The following CPLANE1 variants were observed in gnomAD, a reference collection of about 807,000 sequenced individuals.
The protein encoded by CPLANE1 is ciliogenesis and planar polarity effector 1.
In CPLANE1, 263 loss-of-function variants were observed where a neutral mutation model predicts 362.5. That is an observed-to-expected ratio of 0.73 (90% confidence interval 0.66 to 0.80). The LOEUF (loss-of-function observed/expected upper bound fraction) is 0.80, where lower values mean the gene tolerates loss of function less well. Ranked by LOEUF, CPLANE1 falls within the 30% of genes least tolerant of loss-of-function variation. The pLI, the probability that CPLANE1 is intolerant of heterozygous loss-of-function variation, is 0.00. For missense variants in CPLANE1, 3,461 were observed against 3,793.4 expected, an observed-to-expected ratio of 0.91 and a Z score of 2.30; for synonymous variants, 1,212 against 1,302.6, an observed-to-expected ratio of 0.93 and a Z score of 1.50.
In CPLANE1 at chr5:37,108,338, T is replaced by C. The variant is rs758838097; in HGVS notation, c.9534A>G (p.Ser3178=). ...ETVVSPWTIP[S]EIHKILHESH... ...TCTCATGAAGAATCTTATGGATTTC[T>C]GAAGGTATCGTCCAGGGACTCACCA... is the stretch of plus-strand genomic sequence containing the variant. The change falls in exon 52 of 53, where the codon TCA becomes TCG. Residue 3178 remains serine, a synonymous_variant. Coordinates refer to ENST00000651892, the MANE Select transcript of CPLANE1 (RefSeq NM_001384732.1). The C allele has an allele frequency of 6.2e-7, 1 of 1,614,196 alleles. No homozygotes were observed. Among genetic ancestry groups the C allele is most frequent in the South Asian group, 1.1e-5 (1 of 91,082 alleles).
chr5:37,210,760 T>TG lies in CPLANE1; in HGVS notation c.2920+2798dup. 2.0e-6 allele frequency: 3 copies of TG among 1,529,806 alleles called. No homozygotes were observed. The East Asian group carries it at 6.8e-5, about 34-fold the overall frequency. The allele number at this position is 1,529,806 out of a possible 1,614,324, so 94.8% of individuals were successfully genotyped here. A position where few individuals can be genotyped will look rare whatever the true frequency, so the allele number is the denominator to read the frequency against. On this transcript the variant is annotated intron_variant, in intron 16 of 52. Transcript: ENST00000651892. ...CTGGAAGAGAGTAGAAATGAAAACT[T>TG]GCGTCTCCTAAACCGCCTAGCTCAG...
At chr5:37,167,996 T>C (rs1778766595) in intron 34 of CPLANE1, among the ~76,000 whole-genome samples, 2 of 152,212 alleles carry the variant, frequency 1.3e-5, no homozygotes, top group Middle Eastern at 6.8e-3. Flanking sequence ...AAAGGAAGCA[T>C]GGTAAGTATT....
At chr5:37,153,310 C>G (rs1016727052) in intron 42 of CPLANE1, among the ~76,000 whole-genome samples, 30 of 152,042 alleles carry the variant, frequency 2.0e-4, no homozygotes, top group African/African-American at 7.2e-4. Flanking sequence ...TAGTACCAAT[C>G]CTATAAAAAA....
intron 21 of CPLANE1, 140 bp downstream of exon 21, chr5:37,195,718 T>C: frequency 2.9e-6 from 2 of 692,870 alleles, no homozygotes; most frequent in Non-Finnish European, 4.5e-6. Context: ...TATACATAGC[T>C]GTTAAAGTAC....
the CPLANE1 span, among the ~76,000 whole-genome samples, chr5:37,100,531 G>A: frequency 6.6e-6 from 1 of 152,208 alleles, no homozygotes; most frequent in African/African-American, 2.4e-5. Flanking sequence ...ATACTTTGAA[G>A]TCAGGTAGCA....
intron 20 of CPLANE1, 81 bp downstream of exon 20, chr5:37,198,621 T>C (rs1788248352): frequency 1.5e-6 from 2 of 1,361,388 alleles, no homozygotes; most frequent in African/African-American, 1.5e-5. Flanking sequence ...CTTGGGAAAA[T>C]ATAACAATTA....
intron 43 of CPLANE1, among the ~76,000 whole-genome samples, chr5:37,144,397 TA>T (rs1176016655): frequency 0.014 from 932 of 67,542 alleles, 11 homozygotes; most frequent in African/African-American, 0.043. Context: ...AGACTTTGTC[TA>T]AAAAAAAAAA....
the CPLANE1 span, among the ~76,000 whole-genome samples, chr5:37,086,247 G>A: frequency 3.3e-5 from 5 of 152,086 alleles, no homozygotes; most frequent in Non-Finnish European, 5.9e-5. Flanking sequence ...AGAATAAACA[G>A]TCTATTCAAC....
At chr5:37,157,525 G>T in intron 40 of CPLANE1, 105 bp from the exon 41 acceptor site, 1 of 1,132,228 alleles carries the variant, frequency 8.8e-7, no homozygotes, top group Non-Finnish European at 1.3e-6. Flanking sequence ...GTAATCCGAA[G>T]ATTAACAGAA....
At chr5:37,160,963 G>C (rs532266745) in intron 38 of CPLANE1, among the ~76,000 whole-genome samples, 1 of 152,186 alleles carries the variant, frequency 6.6e-6, no homozygotes, top group South Asian at 2.1e-4. Context: ...GAGCCACCGC[G>C]CCCAGCCTAT....
chr5:37,182,813 G>T lies in CPLANE1; in HGVS notation c.5368C>A (p.Leu1790Ile). The change falls in exon 26 of 53, where the codon CTT becomes ATT. Residue 1790 changes from leucine to isoleucine, a missense_variant. Leu to Ile is a conservative substitution (Grantham distance 5). This residue lies in a region of CPLANE1 where 3,380 missense variants were observed against 3,666.1 expected (regional missense o/e 0.92). Coordinates refer to ENST00000651892, the MANE Select transcript of CPLANE1 (RefSeq NM_001384732.1). ...STAAILTSLW[L>I]LEQPYFATYK... ...GTAGCAAAATAGGGTTGTTCCAAAA[G>T]CCATAATGATGTAAGAATGGCAGCT... 6.2e-7 allele frequency: 1 copy of T among 1,613,596 alleles called. No homozygotes were observed. Among genetic ancestry groups the T allele is most frequent in the Non-Finnish European group, 8.5e-7 (1 of 1,179,850 alleles).
At chr5:37,234,604 C>T (rs928589583) in intron 8 of CPLANE1, among the ~76,000 whole-genome samples, 1 of 150,934 alleles carries the variant, frequency 6.6e-6, no homozygotes, top group African/African-American at 2.4e-5. Flanking sequence ...TAAGAGAGAT[C>T]AAAAAGTGCC....
intron 26 of CPLANE1, 85 bp from the exon 27 acceptor site, chr5:37,181,090 G>T: frequency 1.8e-6 from 2 of 1,097,104 alleles, no homozygotes; most frequent in Non-Finnish European, 1.3e-6. Context: ...CTTTCTACAG[G>T]AATTCTGAAT....
chr5:37,243,067 A>G lies in CPLANE1; in HGVS notation c.623T>C (p.Leu208Pro). 1 of 1,548,702 alleles carries G rather than the reference A, an allele frequency of 6.5e-7. No individual in the cohort carries two copies. Among genetic ancestry groups the G allele is most frequent in the South Asian group, 1.2e-5 (1 of 83,464 alleles). The stretch of plus-strand genomic sequence containing the variant: ...CCGAATTGCTAGAAATGTTAACTTC[A>G]GGCATTCCCCAGAATAAAAAGTAAA... ...CSFTFYSGEC[L>P]KLTFLAIRWH... Residue 208 changes from leucine to proline, a missense_variant, in exon 6 of 53, where the codon CTG (leucine) becomes CCG (proline). Physicochemically the swap from Leu to Pro is moderately conservative, Grantham distance 98. Around this residue, in one of 2 missense-constraint regions of CPLANE1, gnomAD observed 3,380 missense variants for 3,666.1 expected, o/e 0.92. Transcript: ENST00000651892.
the CPLANE1 span, among the ~76,000 whole-genome samples, chr5:37,094,249 C>G: frequency 2.6e-5 from 4 of 152,192 alleles, no homozygotes; most frequent in Non-Finnish European, 5.9e-5. Flanking sequence ...GAATCAGGGT[C>G]TGCAAGACAG....
chr5:37,084,699 G>C, the CPLANE1 span, among the ~76,000 whole-genome samples: 1 of 152,110 alleles, frequency 6.6e-6, no homozygotes, highest in South Asian at 2.1e-4. Context: ...AGAATTGCTT[G>C]AACCCAGGAG....
chr5:37,097,693 T>C, the CPLANE1 span, among the ~76,000 whole-genome samples: 3 of 152,186 alleles, frequency 2.0e-5, no homozygotes, highest in Non-Finnish European at 4.4e-5. Flanking sequence ...TGGGATGATA[T>C]ATTCAAAGTG....
chr5:37,082,076 A>G, the CPLANE1 span, among the ~76,000 whole-genome samples: 9 of 151,480 alleles, frequency 5.9e-5, no homozygotes, highest in African/African-American at 2.2e-4. Context: ...CTGGGCAACA[A>G]GAGTGAAACT....
In CPLANE1 at chr5:37,215,739, C is replaced by CTTTT. The variant is rs567527656; in HGVS notation, c.2747-2011_2747-2008dup. ...TATTTCCCGTTTTTCCTTCTCTTTCCTTTTTTTTTTTTTTTTTTTTTTTTG... is the reference window on the plus strand; with the variant it reads ...TATTTCCCGTTTTTCCTTCTCTTTCCTTTTTTTTTTTTTTTTTTTTTTTTTTTTG... On this transcript the variant is annotated intron_variant, in intron 15 of 52. Coordinates refer to ENST00000651892, the MANE Select transcript of CPLANE1 (RefSeq NM_001384732.1). Among the ~76,000 whole-genome samples the CTTTT allele has an allele frequency of 1.5e-3, 145 of 95,206 alleles. 1 individual carries two copies. Among genetic ancestry groups the CTTTT allele is most frequent in the African/African-American group, 3.3e-3 (84 of 25,288 alleles). 62.5% of individuals were successfully genotyped at this position (95,206 alleles called of 152,430 possible).
Sources: allele counts gnomAD v4.1 joint callset (sites outside exome capture counted in the v4.1 genomes callset), GRCh38; gene constraint gnomAD v4.1.1; regional missense constraint gnomAD v4.1.1; transcripts MANE v1.5; gene names NCBI Gene and HGNC (gene_info 2026-07-23, HGNC 2026-07-21).